Variants in UNC5C observed in about 807,000 individuals in gnomAD.
UNC5C encodes netrin receptor UNC5C.
UNC5C carries 47 observed loss-of-function variants against 99.8 expected under a neutral mutation model. The observed-to-expected ratio is 0.47, with a 90% CI of 0.37 to 0.60. UNC5C has a LOEUF of 0.60. Ranked by LOEUF, UNC5C falls within the 20% of genes least tolerant of loss-of-function variation. The pLI is 0.00. For missense variants in UNC5C, 1,062 were observed against 1,165.9 expected (o/e 0.91, Z 1.30); for synonymous variants, 487 against 452.2 (o/e 1.08, Z -0.98).
At chr4:95,450,824 G>A (rs967441243) in intron 1 of UNC5C, among the ~76,000 whole-genome samples, 2 of 152,090 alleles carry the variant, frequency 1.3e-5, no homozygotes, top group Admixed American at 1.3e-4. Context: ...AATCATTCAA[G>A]AAATATTTAT....
At chr4:95,497,127 C>T (rs1721650862) in intron 1 of UNC5C, among the ~76,000 whole-genome samples, 1 of 151,914 alleles carries the variant, frequency 6.6e-6, no homozygotes, top group African/African-American at 2.4e-5. Flanking sequence ...GCGAATTGTG[C>T]TGCTATAAAC....
intron 1 of UNC5C, among the ~76,000 whole-genome samples, chr4:95,413,734 G>A (rs988272414): frequency 2.0e-5 from 3 of 152,064 alleles, no homozygotes; most frequent in South Asian, 4.2e-4. Context: ...CCATTTCCGC[G>A]TAGCCTATTT....
chr4:95,508,263 A>G (rs372459528), intron 1 of UNC5C, among the ~76,000 whole-genome samples: 8 of 152,058 alleles, frequency 5.3e-5, no homozygotes, highest in African/African-American at 1.9e-4. Flanking sequence ...TTGTTCCGTT[A>G]TTCTCTACCT....
In UNC5C at chr4:95,163,302, C is replaced by T. The variant is rs1421393476; in HGVS notation, c.*5932G>A. The T allele has an allele frequency of 2.0e-5, 3 of 152,184 alleles. No homozygotes were observed. In the South Asian group the frequency reaches 6.2e-4, roughly 32 times the overall value. The allele number at this position is 152,184 out of a possible 1,614,324, so 9.4% of individuals were successfully genotyped here. On this transcript the variant is annotated 3_prime_UTR_variant, in exon 16 of 16. Transcript: ENST00000453304. ...ATAGAAAAGGCAAAGGTATTTTACA[C>T]CAGCTGTAGATTTCTTGCTCTTATA...
At chr4:95,460,719 T>C (rs1199782143) in intron 1 of UNC5C, among the ~76,000 whole-genome samples, 2 of 152,198 alleles carry the variant, frequency 1.3e-5, no homozygotes, top group Non-Finnish European at 2.9e-5. Context: ...TTATCAGCAA[T>C]GTGAAAACAG....
At chr4:95,547,416 A>G (rs958829446) in intron 1 of UNC5C, among the ~76,000 whole-genome samples, 2 of 151,944 alleles carry the variant, frequency 1.3e-5, no homozygotes, top group African/African-American at 4.8e-5. Context: ...GCGCCTCTCT[A>G]AGATCAGAGG....
intron 12 of UNC5C, among the ~76,000 whole-genome samples, chr4:95,201,523 T>G (rs1210403784): frequency 6.6e-6 from 1 of 152,132 alleles, no homozygotes; most frequent in Non-Finnish European, 1.5e-5. Flanking sequence ...TCTCAGCTCC[T>G]CTCTCTGGCC....
chr4:95,494,943 C>T (rs946135442), intron 1 of UNC5C, among the ~76,000 whole-genome samples: 2 of 151,136 alleles, frequency 1.3e-5, no homozygotes, highest in Non-Finnish European at 3.0e-5. Context: ...ATATATATGG[C>T]CACCATATAT....
At chr4:95,344,556 T>C (rs989480886) in intron 1 of UNC5C, among the ~76,000 whole-genome samples, 1 of 152,084 alleles carries the variant, frequency 6.6e-6, no homozygotes, top group Non-Finnish European at 1.5e-5. Flanking sequence ...ATTATAACGT[T>C]ATAATTCTGG....
At chr4:95,201,402 T>C (rs1454061310) in intron 12 of UNC5C, among the ~76,000 whole-genome samples, 1 of 152,184 alleles carries the variant, frequency 6.6e-6, no homozygotes, top group Non-Finnish European at 1.5e-5. Context: ...CGTTCCTGCA[T>C]ACTTTGACTC....
chr4:95,323,229 T>C (rs1742758275), intron 2 of UNC5C, among the ~76,000 whole-genome samples: 1 of 152,232 alleles, frequency 6.6e-6, no homozygotes, highest in East Asian at 1.9e-4. Context: ...TGAGCCCCTA[T>C]TAAGTACCCA....
At chr4:95,204,415 A>G (rs1012378892) in intron 11 of UNC5C, among the ~76,000 whole-genome samples, 2 of 152,122 alleles carry the variant, frequency 1.3e-5, no homozygotes, top group African/African-American at 4.8e-5. Flanking sequence ...GACAAGGAGG[A>G]ATGATGGAGA....
chr4:95,179,620 G>A (rs1736522326), intron 14 of UNC5C, among the ~76,000 whole-genome samples: 1 of 151,964 alleles, frequency 6.6e-6, no homozygotes, highest in Non-Finnish European at 1.5e-5. Context: ...GGTGGCATAT[G>A]CCTGTGATCC....
intron 1 of UNC5C, among the ~76,000 whole-genome samples, chr4:95,480,761 A>T (rs546432942): frequency 1.3e-5 from 2 of 152,212 alleles, no homozygotes; most frequent in South Asian, 4.1e-4. Flanking sequence ...AAAAAACCAC[A>T]TGATTATCTC....
chr4:95,528,839 G>A (rs1039333200), intron 1 of UNC5C, among the ~76,000 whole-genome samples: 11 of 152,104 alleles, frequency 7.2e-5, no homozygotes, highest in African/African-American at 2.7e-4. Flanking sequence ...GCGATGAGAG[G>A]ATATAACTGT....
In UNC5C at chr4:95,481,610, T is replaced by TA. The variant is rs1578187138; in HGVS notation, c.124+67123_124+67124insT. ...CATCACTCTACCTGACTTCAAACTA[T>TA]CTACAAGGCTACAGTAACCAAAACA... On this transcript the variant is annotated intron_variant, in intron 1 of 15. Transcript: ENST00000453304. 3.3e-5 allele frequency among the ~76,000 whole-genome samples: 5 copies of TA among 151,884 alleles called. No homozygotes were observed. In the East Asian group the frequency reaches 5.9e-4, roughly 18 times the overall value.
At chr4:95,458,431 C>G (rs1747505873) in intron 1 of UNC5C, among the ~76,000 whole-genome samples, 1 of 151,958 alleles carries the variant, frequency 6.6e-6, no homozygotes, top group African/African-American at 2.4e-5. Flanking sequence ...ATATCTCTTT[C>G]TTTTTTCATG....
At chr4:95,321,311 G>A (rs905046198) in intron 2 of UNC5C, among the ~76,000 whole-genome samples, 3 of 152,040 alleles carry the variant, frequency 2.0e-5, no homozygotes, top group African/African-American at 7.2e-5. Context: ...CAATAGATTA[G>A]AAACAAAAAG....
At chr4:95,291,941 G>T (rs1741471685) in intron 3 of UNC5C, among the ~76,000 whole-genome samples, 3 of 151,858 alleles carry the variant, frequency 2.0e-5, no homozygotes, top group Non-Finnish European at 4.4e-5. Flanking sequence ...ATTTATTCTG[G>T]TGTACAGGGG....
Sources: allele counts gnomAD v4.1 joint callset (sites outside exome capture counted in the v4.1 genomes callset), GRCh38; gene constraint gnomAD v4.1.1; transcripts MANE v1.5; gene names NCBI Gene and HGNC (gene_info 2026-07-23, HGNC 2026-07-21).